The following ZCCHC14 variants were observed in gnomAD, a reference collection of about 807,000 sequenced individuals.
The protein encoded by ZCCHC14 is zinc finger CCHC-type containing 14.
A neutral mutation model predicts 85.0 loss-of-function variants in ZCCHC14; 16 were observed. The observed-to-expected ratio is 0.19, with a 90% CI of 0.13 to 0.29. The LOEUF (loss-of-function observed/expected upper bound fraction) is 0.29. Among genes scored for constraint, ZCCHC14 ranks in the 10% least tolerant of loss-of-function variants. The pLI is 1.00. For synonymous variants in ZCCHC14, 775 were observed against 630.7 expected (o/e 1.23, Z -3.43); for missense variants, 1,303 against 1,443.5 (o/e 0.90, Z 1.58).
rs777012352 is a variant in ZCCHC14, at chr16:87,414,526, T to C, written c.1491A>G (p.Arg497=). ...GCGGGGCCGAGGGGTTCAGGCACCG[T>C]CTCTCTGACTTCTCCCTGTGAAATA... The part of the protein sequence containing the change: ...QLELEKEKSE[R]RCLNPSAPPL... The change falls in exon 10 of 13, where the codon AGA becomes AGG. Residue 497 remains arginine (R), a synonymous_variant. Transcript: ENST00000671377. 14 of 1,611,908 alleles carry C rather than the reference T, an allele frequency of 8.7e-6. No homozygotes were observed. Among genetic ancestry groups the C allele is most frequent in the Non-Finnish European group, 1.1e-5 (13 of 1,178,816 alleles).
At chr16:87,457,562 A>C (rs1175211421) in intron 2 of ZCCHC14, among the ~76,000 whole-genome samples, 1 of 152,224 alleles carries the variant, frequency 6.6e-6, no homozygotes, top group Non-Finnish European at 1.5e-5. Flanking sequence ...CTGTTGTTCA[A>C]GTATATAAAA....
intron 1 of ZCCHC14, among the ~76,000 whole-genome samples, chr16:87,464,035 A>G (rs1911401915): frequency 6.6e-6 from 1 of 152,224 alleles, no homozygotes; most frequent in Non-Finnish European, 1.5e-5. Context: ...CTTTGCTGGT[A>G]GTGGCAAACC....
At chr16:87,466,185 A>C (rs759022447) in intron 1 of ZCCHC14, among the ~76,000 whole-genome samples, 6 of 151,342 alleles carry the variant, frequency 4.0e-5, no homozygotes, top group Non-Finnish European at 8.8e-5. Flanking sequence ...AAAACCCAGC[A>C]CCACACAGGC....
rs570600261 is a variant in ZCCHC14, at chr16:87,459,254, A to G, written c.694+754T>C. On this transcript the variant is annotated intron_variant, in intron 2 of 12. Coordinates refer to ENST00000671377, the MANE Select transcript of ZCCHC14 (RefSeq NM_015144.3). ...CAGTGCAGGTGGAAAACACTCCGTC[A>G]CCACAGAGAGCGCTTCAGGACAACA... Among the ~76,000 whole-genome samples the G allele has an allele frequency of 2.6e-5, 4 of 152,246 alleles. No individual in the cohort carries two copies. The East Asian group carries it at 7.7e-4, about 29-fold the overall frequency.
In ZCCHC14 at chr16:87,433,132, A is replaced by C; in HGVS notation, c.764T>G (p.Phe255Cys). The C allele has an allele frequency of 6.2e-7, 1 of 1,614,130 alleles. No individual in the cohort carries two copies. The highest frequency in any genetic ancestry group is 8.5e-7 in the Non-Finnish European group (1 of 1,179,958). The change falls in exon 3 of 13, where the codon TTT becomes TGT. Residue 255 changes from phenylalanine to cysteine, a missense_variant. Phe to Cys is a radical substitution (Grantham distance 205). Coordinates refer to ENST00000671377, the MANE Select transcript of ZCCHC14 (RefSeq NM_015144.3). ...GAAAAAAACTTAGCATCTTACCTCA[A>C]AGGAACATTCAACATTTCTGTCATT... Reference protein sequence around the residue: ...TKNDRNVECSFEVLWSDSSIT... With the variant: ...TKNDRNVECSCEVLWSDSSIT...
At chr16:87,484,647 GC>G (rs1189454052) in intron 1 of ZCCHC14, among the ~76,000 whole-genome samples, 1 of 152,228 alleles carries the variant, frequency 6.6e-6, no homozygotes, top group Admixed American at 6.5e-5. Context: ...ACCAGCGCCA[GC>G]CAGCGGGATG....
rs1425291386 is a variant in ZCCHC14 at position 87,417,587 on chromosome 16, G to A, written c.1256C>T (p.Pro419Leu). 1 of 1,614,150 alleles carries A rather than the reference G, an allele frequency of 6.2e-7. No homozygotes were observed. The highest frequency in any genetic ancestry group is 8.5e-7 in the Non-Finnish European group (1 of 1,180,056). Reference sequence around the variant, plus strand: ...CAGACTGGAAGGCATGAGGATGGCAGGTGATGTGTCCATCTGGGTCCGGTA... The same window carrying A: ...CAGACTGGAAGGCATGAGGATGGCAAGTGATGTGTCCATCTGGGTCCGGTA... ...LAYRTQMDTS[P>L]AILMPSSLQT... Residue 419 changes from proline (P) to leucine (L), a missense_variant, in exon 8 of 13, where the codon CCT becomes CTT. Pro to Leu is a moderately conservative substitution (Grantham distance 98). Transcript: ENST00000671377.
At chr16:87,484,179 G>GT (rs1257767054) in intron 1 of ZCCHC14, among the ~76,000 whole-genome samples, 1 of 152,162 alleles carries the variant, frequency 6.6e-6, no homozygotes, top group Non-Finnish European at 1.5e-5. Context: ...TAAGAAACAT[G>GT]TTTTTTACAC....
At chr16:87,471,926 CCTACTCACCA>C (rs1911789669) in intron 1 of ZCCHC14, 1 of 152,344 alleles carries the variant, frequency 6.6e-6, no homozygotes, top group Admixed American at 6.5e-5. Context: ...CCAGCAGCGA[CCTACTCACCA>C]CTAGGGTCGG....
chr16:87,411,363 A>G (rs1908422806), intron 12 of ZCCHC14, 153 bp downstream of exon 12: 1 of 1,506,786 alleles, frequency 6.6e-7, no homozygotes, highest in Admixed American at 2.2e-5. Context: ...TGGGGACCTC[A>G]CGGCCTATCA....
At chr16:87,464,115 A>G (rs1023708345) in intron 1 of ZCCHC14, among the ~76,000 whole-genome samples, 1 of 152,162 alleles carries the variant, frequency 6.6e-6, no homozygotes, top group African/African-American at 2.4e-5. Context: ...CCCACCCTAA[A>G]ACACTCCAAA....
intron 1 of ZCCHC14, among the ~76,000 whole-genome samples, chr16:87,487,609 C>T (rs1331118254): frequency 2.0e-5 from 3 of 152,256 alleles, no homozygotes; most frequent in Non-Finnish European, 2.9e-5. Context: ...AGCCCCGCAC[C>T]GACACGTGCG....
intron 1 of ZCCHC14, among the ~76,000 whole-genome samples, chr16:87,478,772 A>C (rs1423623015): frequency 6.6e-6 from 1 of 151,870 alleles, no homozygotes; most frequent in Non-Finnish European, 1.5e-5. Flanking sequence ...ACGCCCGGCT[A>C]ATTTTTGTAT....
At chr16:87,474,090 A>T (rs1911895790) in intron 1 of ZCCHC14, 1 of 152,342 alleles carries the variant, frequency 6.6e-6, no homozygotes, top group South Asian at 2.1e-4. Context: ...TTTACCTCCC[A>T]CTGCAGCTAT....
chr16:87,431,176 GGAAAA>G lies in ZCCHC14; in HGVS notation c.768+1947_768+1951del, dbSNP rs544981085. Among the ~76,000 whole-genome samples, 517 of 144,802 alleles carry G rather than the reference GGAAAA, an allele frequency of 3.6e-3. 4 individuals carry two copies. The highest frequency in any genetic ancestry group is 0.019 in the South Asian group (85 of 4,474). 95.0% of individuals were successfully genotyped at this position (144,802 alleles called of 152,430 possible). A position where few individuals can be genotyped will look rare whatever the true frequency, so the allele number is the denominator to read the frequency against. On this transcript the variant is annotated intron_variant, in intron 3 of 12. Coordinates refer to ENST00000671377, the MANE Select transcript of ZCCHC14 (RefSeq NM_015144.3). ...AAAAGAAAAGAAATGAGAAAGGAAA[GGAAAA>G]GAAAAGAAAAGGCCAGGTACAGTGG...
At chr16:87,425,576 A>AT (rs946871226) in intron 3 of ZCCHC14, among the ~76,000 whole-genome samples, 9 of 148,566 alleles carry the variant, frequency 6.1e-5, no homozygotes, top group African/African-American at 2.2e-4. Flanking sequence ...AACTCTATCA[A>AT]AAAAAAAAAA....
chr16:87,475,089 A>G (rs1279046226), intron 1 of ZCCHC14, among the ~76,000 whole-genome samples: 2 of 152,236 alleles, frequency 1.3e-5, no homozygotes, highest in Non-Finnish European at 2.9e-5. Context: ...TAACCTGTAC[A>G]AAGAGGAAAG....
intron 1 of ZCCHC14, among the ~76,000 whole-genome samples, chr16:87,487,805 G>A (rs536711423): frequency 8.5e-5 from 13 of 152,228 alleles, no homozygotes; most frequent in East Asian, 1.9e-4. Flanking sequence ...ACTCGGCAGC[G>A]AAAGAGGAGG....
intron 1 of ZCCHC14, among the ~76,000 whole-genome samples, chr16:87,465,607 T>A (rs1301515396): frequency 6.6e-6 from 1 of 152,164 alleles, no homozygotes; most frequent in Non-Finnish European, 1.5e-5. Flanking sequence ...CCCTTCTTAC[T>A]GTTACAGTTT....
Sources: gnomAD v4.1 joint callset for allele counts (sites outside exome capture counted in the v4.1 genomes callset) on GRCh38, gnomAD v4.1.1 for gene constraint, MANE v1.5 for transcripts, NCBI Gene and HGNC (gene_info 2026-07-23, HGNC 2026-07-21) for gene names.